Variants in SLC22A4 observed in about 807,000 individuals in gnomAD.
The protein encoded by SLC22A4 is solute carrier family 22 member 4.
SLC22A4 carries 39 observed loss-of-function variants against 56.6 expected under a neutral mutation model. The observed-to-expected ratio is 0.69, with a 90% CI of 0.53 to 0.90. The LOEUF (loss-of-function observed/expected upper bound fraction) is 0.90. Ranked by LOEUF, SLC22A4 falls within the 40% of genes least tolerant of loss-of-function variation. SLC22A4 has a pLI of 0.00. For synonymous variants in SLC22A4, 241 were observed against 281.4 expected, an observed-to-expected ratio of 0.86 and a Z score of 1.44; for missense variants, 594 against 696.5, an observed-to-expected ratio of 0.85 and a Z score of 1.66.
At chr5:132,316,937 G>A (rs1750376903) in intron 3 of SLC22A4, among the ~76,000 whole-genome samples, 1 of 152,208 alleles carries the variant, frequency 6.6e-6, no homozygotes, top group South Asian at 2.1e-4. Flanking sequence ...CAGTTGTGGA[G>A]GGTAGAAGTC....
chr5:132,335,879 C>T lies in SLC22A4; in HGVS notation c.1323C>T (p.Phe441=). ...GAAAATTTGGGATCACCTCTGCTTT[C>T]TCCATGCTGTATGTCTTCACTGCTG... is the stretch of plus-strand genomic sequence containing the variant. ...MLGKFGITSA[F]SMLYVFTAEL... is the part of the protein sequence containing the mutation. The change falls in exon 8 of 10, where the codon TTC becomes TTT. Residue 441 remains phenylalanine, a synonymous_variant. Coordinates refer to ENST00000200652, the MANE Select transcript of SLC22A4 (RefSeq NM_003059.3). 2 of 1,614,168 alleles carry T rather than the reference C, an allele frequency of 1.2e-6. No homozygotes were observed. Among genetic ancestry groups the T allele is most frequent in the Middle Eastern group, 3.3e-4 (2 of 6,062 alleles).
At chr5:132,300,392 C>T (rs1471671863) in intron 1 of SLC22A4, among the ~76,000 whole-genome samples, 2 of 152,100 alleles carry the variant, frequency 1.3e-5, no homozygotes, top group Non-Finnish European at 1.5e-5. Flanking sequence ...AATTTTTATT[C>T]ACTGATTTTA....
chr5:132,321,654 T>A (rs1286331779), intron 3 of SLC22A4, among the ~76,000 whole-genome samples: 1 of 152,150 alleles, frequency 6.6e-6, no homozygotes, highest in Non-Finnish European at 1.5e-5. Context: ...ATGACTGTAA[T>A]CCCAACATTT....
rs1561546998 is a variant in SLC22A4, at chr5:132,334,741, T to C, written c.1070T>C (p.Phe357Ser). 1 of 1,613,900 alleles carries C rather than the reference T, an allele frequency of 6.2e-7. No individual in the cohort carries two copies. The highest frequency in any genetic ancestry group is 1.1e-5 in the South Asian group (1 of 91,082). The change falls in exon 7 of 10, where the codon TTT becomes TCT. Residue 357 changes from phenylalanine to serine, a missense_variant. Coordinates refer to ENST00000200652, the MANE Select transcript of SLC22A4 (RefSeq NM_003059.3). ...LLWMLTSVGYFALSLDAPNLH... is the reference protein window; with the variant it reads ...LLWMLTSVGYSALSLDAPNLH... ...AGGATGCTGACCTCAGTGGGTTACT[T>C]TGCTCTGTCTCTGGATGCTCCTAAT...
chr5:132,309,054 T>C (rs914588019), intron 1 of SLC22A4, among the ~76,000 whole-genome samples: 2 of 152,180 alleles, frequency 1.3e-5, no homozygotes, highest in Non-Finnish European at 2.9e-5. Flanking sequence ...CAGGGAGGTT[T>C]TGTGGCCCTG....
intron 1 of SLC22A4, among the ~76,000 whole-genome samples, chr5:132,298,585 A>G (rs1749831649): frequency 6.6e-6 from 1 of 152,230 alleles, no homozygotes; most frequent in African/African-American, 2.4e-5. Context: ...AAAAATGGCT[A>G]AGATGGTAAA....
chr5:132,327,139 T>C (rs1036913094), intron 4 of SLC22A4, 138 bp from the exon 5 acceptor site: 25 of 654,994 alleles, frequency 3.8e-5, no homozygotes, highest in Admixed American at 2.7e-4. Context: ...TATGCTCCAA[T>C]AGAAATCTTA....
At chr5:132,321,201 C>A (rs2126721463) in intron 3 of SLC22A4, among the ~76,000 whole-genome samples, 1 of 152,330 alleles carries the variant, frequency 6.6e-6, no homozygotes, top group South Asian at 2.1e-4. Context: ...GCAGGGGCAG[C>A]AGAACAGCGC....
chr5:132,332,480 G>A (rs1750891238), intron 6 of SLC22A4, among the ~76,000 whole-genome samples: 1 of 152,062 alleles, frequency 6.6e-6, no homozygotes, highest in Non-Finnish European at 1.5e-5. Context: ...TGATGTCCGT[G>A]TTGCCTGAGG....
intron 3 of SLC22A4, 24 bp downstream of exon 3, chr5:132,313,792 G>T (rs757837384): frequency 6.2e-7 from 1 of 1,612,686 alleles, no homozygotes; most frequent in South Asian, 1.1e-5. Flanking sequence ...CTGGGACATG[G>T]GGTGCTTCCC....
chr5:132,340,596 C>A lies in SLC22A4; in HGVS notation c.1476C>A (p.Val492=), dbSNP rs566960067. 1.2e-6 allele frequency: 2 copies of A among 1,613,978 alleles called. No homozygotes were observed. Among genetic ancestry groups the A allele is most frequent in the Non-Finnish European group, 1.7e-6 (2 of 1,179,878 alleles). Reference sequence around the variant, plus strand: ...ACAACAGAATGCTGCCCTACATCGTCATGGGTAGTCTGACTGTCCTGATTG... The same window carrying A: ...ACAACAGAATGCTGCCCTACATCGTAATGGGTAGTCTGACTGTCCTGATTG... ...GAYNRMLPYI[V]MGSLTVLIGI... is the part of the protein sequence containing the mutation. Residue 492 remains valine (V), a synonymous_variant, in exon 9 of 10, where the codon GTC becomes GTA. Coordinates refer to ENST00000200652, the MANE Select transcript of SLC22A4 (RefSeq NM_003059.3).
At chr5:132,298,051 G>A (rs1433640413) in intron 1 of SLC22A4, among the ~76,000 whole-genome samples, 1 of 152,158 alleles carries the variant, frequency 6.6e-6, no homozygotes, top group African/African-American at 2.4e-5. Flanking sequence ...GTGTAAAATG[G>A]TGCAGCCACT....
At chr5:132,336,375 T>G (rs745970346) in intron 8 of SLC22A4, among the ~76,000 whole-genome samples, 1 of 152,044 alleles carries the variant, frequency 6.6e-6, no homozygotes, top group Non-Finnish European at 1.5e-5. Flanking sequence ...AATAAAAAAA[T>G]TAGCCAGGTG....
intron 6 of SLC22A4, among the ~76,000 whole-genome samples, chr5:132,332,750 A>G (rs1358519029): frequency 1.3e-5 from 2 of 151,914 alleles, no homozygotes; most frequent in African/African-American, 4.8e-5. Context: ...ACACACACAC[A>G]CACACACACA....
chr5:132,294,993 C>A lies in SLC22A4; in HGVS notation c.377C>A (p.Ser126Tyr). ...GWEFSQDVYL[S>Y]TVVTEWNLVC... ...GAGTTCAGCCAGGACGTCTACCTGT[C>A]CACCGTCGTGACCGAGGTGGGTGCC... Residue 126 changes from serine to tyrosine, a missense_variant, in exon 1 of 10, where the codon TCC (serine) becomes TAC (tyrosine). By Grantham distance (144) the Ser-to-Tyr change is moderately radical (BLOSUM62 -2). Coordinates refer to ENST00000200652, the MANE Select transcript of SLC22A4 (RefSeq NM_003059.3). This position sits in a 1 kb window ranked among gnomAD's most constrained non-coding sequence, Gnocchi z 5.6. 1.2e-6 allele frequency: 2 copies of A among 1,607,182 alleles called. No individual in the cohort carries two copies. The highest frequency in any genetic ancestry group is 1.7e-6 in the Non-Finnish European group (2 of 1,177,476).
chr5:132,328,943 T>C (rs1036434247), intron 5 of SLC22A4, among the ~76,000 whole-genome samples: 28 of 135,430 alleles, frequency 2.1e-4, no homozygotes, highest in Admixed American at 1.9e-3. Flanking sequence ...ACACACACAC[T>C]TTAAAAAAAT....
chr5:132,304,894 T>A (rs896243232), intron 1 of SLC22A4, among the ~76,000 whole-genome samples: 1 of 152,174 alleles, frequency 6.6e-6, no homozygotes, highest in African/African-American at 2.4e-5. Context: ...AAAAGTATGA[T>A]GACAATATTG....
chr5:132,337,917 G>A (rs904081179), intron 8 of SLC22A4, among the ~76,000 whole-genome samples: 2 of 102,942 alleles, frequency 1.9e-5, no homozygotes, highest in African/African-American at 7.5e-5. Flanking sequence ...TTTTTTTTTT[G>A]TATTTTTAGT....
intron 1 of SLC22A4, chr5:132,295,657 C>T (rs1227911879): frequency 4.7e-6 from 1 of 212,392 alleles, no homozygotes; most frequent in South Asian, 6.5e-5. Context: ...CCCCTCAGCA[C>T]CCTGCGTGGT....
Sources: gnomAD v4.1 joint callset for allele counts (sites outside exome capture counted in the v4.1 genomes callset) on GRCh38, gnomAD v4.1.1 for gene constraint, Gnocchi (gnomAD v3.1) non-coding constraint, MANE v1.5 for transcripts, NCBI Gene and HGNC (gene_info 2026-07-23, HGNC 2026-07-21) for gene names.